The following POGZ variants were observed in gnomAD, a reference collection of about 807,000 sequenced individuals.
POGZ encodes pogo transposable element derived with ZNF domain.
POGZ carries 17 observed loss-of-function variants against 134.6 expected under a neutral mutation model. The ratio of observed to expected loss-of-function variants is 0.13; its 90% CI spans 0.09 to 0.19. The LOEUF is 0.19. POGZ is among the 10% of genes least tolerant of loss of function. The pLI, the probability that POGZ is intolerant of heterozygous loss-of-function variation, is 1.00. For missense variants in POGZ, 1,306 were observed against 1,769.7 expected (o/e 0.74, Z 4.70); for synonymous variants, 693 against 657.1 (o/e 1.05, Z -0.84).
chr1:151,439,803 G>A (rs1222545187), intron 3 of POGZ, among the ~76,000 whole-genome samples: 1 of 152,168 alleles, frequency 6.6e-6, no homozygotes, highest in Admixed American at 6.5e-5. Context: ...GATGACCTTT[G>A]AGCCAACAAT....
chr1:151,404,686 A>C lies in POGZ; in HGVS notation c.*116T>G. On this transcript the variant is annotated 3_prime_UTR_variant, in exon 19 of 19. Transcript: ENST00000271715. Reference sequence around the variant, plus strand: ...CAACTTCAGGGGGGAGTGGTGGTATAAAATTAAAAAATAGAAACCAAATAC... The same window carrying C: ...CAACTTCAGGGGGGAGTGGTGGTATCAAATTAAAAAATAGAAACCAAATAC... The C allele has an allele frequency of 7.0e-7, 1 of 1,426,272 alleles. No individual in the cohort carries two copies. Among genetic ancestry groups the C allele is most frequent in the Non-Finnish European group, 9.1e-7 (1 of 1,093,350 alleles). 88.4% of individuals were successfully genotyped at this position (1,426,272 alleles called of 1,614,324 possible).
chr1:151,451,014 T>C (rs1412055154), intron 1 of POGZ: 1 of 150,780 alleles, frequency 6.6e-6, no homozygotes, highest in Non-Finnish European at 1.5e-5. Context: ...AGCCTGGCCA[T>C]GACCATGACC....
intron 10 of POGZ, among the ~76,000 whole-genome samples, chr1:151,420,752 A>T (rs1656751941): frequency 6.6e-6 from 1 of 152,066 alleles, no homozygotes; most frequent in African/African-American, 2.4e-5. Context: ...ATTTCAAAAG[A>T]TCTGTTTTTT....
chr1:151,403,209 C>A lies in POGZ; in HGVS notation c.*1593G>T, dbSNP rs1439131939. 6.1e-6 allele frequency: 6 copies of A among 984,436 alleles called. No individual in the cohort carries two copies. The highest frequency in any genetic ancestry group is 3.5e-5 in the African/African-American group (2 of 57,128). The allele number at this position is 984,436 out of a possible 1,614,324, so 61.0% of individuals were successfully genotyped here. Reference sequence around the variant, plus strand: ...TATAGTGTGCTGGGGGATGAAAAAACAAACAAACAAAAAAGCAGGGTGGGG... The same window carrying A: ...TATAGTGTGCTGGGGGATGAAAAAAAAAACAAACAAAAAAGCAGGGTGGGG... On this transcript the variant is annotated 3_prime_UTR_variant, in exon 19 of 19. Coordinates refer to ENST00000271715, the MANE Select transcript of POGZ (RefSeq NM_015100.4).
chr1:151,438,432 C>T (rs1165707873), intron 3 of POGZ, among the ~76,000 whole-genome samples: 10 of 151,964 alleles, frequency 6.6e-5, no homozygotes, highest in Admixed American at 6.6e-4. Flanking sequence ...TATGGGTTAA[C>T]ATTTTAATTT....
chr1:151,441,040 G>C lies in POGZ; in HGVS notation c.171C>G (p.Ala57=). ...QPVSAPVPIA[A]HASVAGHLST... is the part of the protein sequence containing the mutation. ...AGAGGTGCCCAGCAACAGAAGCATG[G>C]GCAGCGATGGGCACTGGAGCCGAGA... The change falls in exon 3 of 19, where the codon GCC becomes GCG. Residue 57 remains alanine (A), a synonymous_variant. Transcript: ENST00000271715. 1 of 1,614,022 alleles carries C rather than the reference G, an allele frequency of 6.2e-7. No homozygotes were observed. Among genetic ancestry groups the C allele is most frequent in the Non-Finnish European group, 8.5e-7 (1 of 1,179,900 alleles).
chr1:151,456,736 T>G (rs1164422642), intron 1 of POGZ, among the ~76,000 whole-genome samples: 1 of 152,214 alleles, frequency 6.6e-6, no homozygotes, highest in African/African-American at 2.4e-5. Context: ...GTGGATCGCC[T>G]GAGGTCCGGA....
Position 151,408,802 on chromosome 1 carries a change from T to C in POGZ, c.1953A>G (p.Lys651=). ...TGGCAAAGAGAAACTGCAGCCGGCA[T>C]TTGTTGCAGTGATAAACATTTCTCT... ...HQKRNVYHCN[K]CRLQFLFAKD... is the part of the protein sequence containing the mutation. The change falls in exon 13 of 19, where the codon AAA becomes AAG. Residue 651 remains lysine (K), a synonymous_variant. Coordinates refer to ENST00000271715, the MANE Select transcript of POGZ (RefSeq NM_015100.4). 6.2e-7 allele frequency: 1 copy of C among 1,613,792 alleles called. No homozygotes were observed. The highest frequency in any genetic ancestry group is 1.3e-5 in the African/African-American group (1 of 74,966).
At chr1:151,410,194 A>C (rs1654422814) in intron 12 of POGZ, among the ~76,000 whole-genome samples, 1 of 152,230 alleles carries the variant, frequency 6.6e-6, no homozygotes, top group Non-Finnish European at 1.5e-5. Flanking sequence ...TCATCTTATA[A>C]GGAAAATAAA....
chr1:151,418,656 T>C (rs895554321), intron 10 of POGZ, among the ~76,000 whole-genome samples: 4 of 152,328 alleles, frequency 2.6e-5, no homozygotes, highest in Non-Finnish European at 5.9e-5. Flanking sequence ...TTACAGATTA[T>C]ATAAATGTAT....
At chr1:151,420,801 T>C (rs1479342183) in intron 10 of POGZ, among the ~76,000 whole-genome samples, 2 of 152,156 alleles carry the variant, frequency 1.3e-5, no homozygotes, top group African/African-American at 4.8e-5. Context: ...TCATTAATTT[T>C]AAATTTTGAG....
chr1:151,435,710 G>A (rs1297462503), intron 3 of POGZ, among the ~76,000 whole-genome samples: 1 of 151,862 alleles, frequency 6.6e-6, no homozygotes, highest in East Asian at 1.9e-4. Flanking sequence ...GGTCAGGCTG[G>A]TCTTGAACTC....
chr1:151,442,268 A>G (rs1571540281), intron 1 of POGZ, 63 bp from the exon 2 acceptor site: 2 of 1,469,974 alleles, frequency 1.4e-6, no homozygotes, highest in Non-Finnish European at 1.9e-6. Flanking sequence ...TTTATACCAA[A>G]TATGAAATCA....
intron 3 of POGZ, among the ~76,000 whole-genome samples, chr1:151,437,271 GT>G (rs987481919): frequency 2.0e-5 from 3 of 148,972 alleles, no homozygotes; most frequent in African/African-American, 2.5e-5. Context: ...CTCCGTGTGT[GT>G]TTTTTTTTAA....
In POGZ at chr1:151,424,151, T is replaced by C. The variant is rs1484618719; in HGVS notation, c.1321A>G (p.Ile441Val). ...TTGGTAGGCGGTGACAGAGCAGGAA[T>C]AGGTGTAGAAGAGGGTGTGGAAGCA... Reference protein sequence around the residue: ...PVASTPSSTPIPALSPPTKVP... With the variant: ...PVASTPSSTPVPALSPPTKVP... The change falls in exon 9 of 19, where the codon ATT becomes GTT. Residue 441 changes from isoleucine (I) to valine (V), a missense_variant. Physicochemically the swap from Ile to Val is conservative, Grantham distance 29 (BLOSUM62 3). This residue lies in a region of POGZ where 541 missense variants were observed against 680.5 expected (regional missense o/e 0.80). Transcript: ENST00000271715. 4.3e-6 allele frequency: 7 copies of C among 1,614,108 alleles called. No individual in the cohort carries two copies. Among genetic ancestry groups the C allele is most frequent in the Non-Finnish European group, 5.9e-6 (7 of 1,180,010 alleles).
chr1:151,411,627 G>T lies in POGZ; in HGVS notation c.1924C>A (p.Gln642Lys). 6.3e-7 allele frequency: 1 copy of T among 1,599,044 alleles called. No individual in the cohort carries two copies. The highest frequency in any genetic ancestry group is 8.5e-7 in the Non-Finnish European group (1 of 1,172,958). ...GGGAATTGCTTGGTGCCTAGTACCTGGTGCCTCATGTAATGCTGTTGGAAT... is the reference window on the plus strand; with the variant it reads ...GGGAATTGCTTGGTGCCTAGTACCTTGTGCCTCATGTAATGCTGTTGGAAT... ...NAFQQHYMRH[Q>K]KRNVYHCNKC... The change falls in exon 12 of 19, where the codon CAG (glutamine) becomes AAG (lysine). Residue 642 changes from glutamine to lysine, a missense_variant and splice_region_variant. Gln to Lys is a moderately conservative substitution (Grantham distance 53). Coordinates refer to ENST00000271715, the MANE Select transcript of POGZ (RefSeq NM_015100.4).
chr1:151,408,606 G>A, intron 13 of POGZ, 25 bp from the exon 14 acceptor site: 3 of 1,609,010 alleles, frequency 1.9e-6, no homozygotes, highest in Admixed American at 1.7e-5. Flanking sequence ...AAGTAACAAT[G>A]AGACATCACC....
At chr1:151,423,324 G>C in intron 10 of POGZ, 73 bp downstream of exon 10, 1 of 1,254,130 alleles carries the variant, frequency 8.0e-7, no homozygotes, top group East Asian at 2.3e-5. Flanking sequence ...AATATAATGG[G>C]CTCCCCCCAG....
intron 1 of POGZ, among the ~76,000 whole-genome samples, chr1:151,451,618 G>A (rs1362552791): frequency 6.6e-6 from 1 of 151,724 alleles, no homozygotes; most frequent in Non-Finnish European, 1.5e-5. Context: ...GAGGCACCGC[G>A]CCTGGCCCAA....
Sources: gnomAD v4.1 joint callset for allele counts (sites outside exome capture counted in the v4.1 genomes callset) on GRCh38, gnomAD v4.1.1 for gene constraint, gnomAD v4.1.1 regional missense constraint, MANE v1.5 for transcripts, NCBI Gene and HGNC (gene_info 2026-07-23, HGNC 2026-07-21) for gene names.